The following NRXN1 variants were observed in gnomAD, a reference collection of about 807,000 sequenced individuals.
NRXN1 encodes the protein neurexin-1.
In NRXN1, 39 loss-of-function variants were observed where a neutral mutation model predicts 150.9. That is an observed-to-expected ratio of 0.26 (90% CI 0.20 to 0.34). The LOEUF (loss-of-function observed/expected upper bound fraction) is 0.34. NRXN1 is among the 10% of genes least tolerant of loss of function. NRXN1 has a pLI of 1.00. For synonymous variants in NRXN1, 924 were observed against 757.0 expected (o/e 1.22, Z -3.62); for missense variants, 1,815 against 1,949.9 (o/e 0.93, Z 1.30).
intron 5 of NRXN1, among the ~76,000 whole-genome samples, chr2:50,851,309 G>A (rs41422052): frequency 0.43 from 64,678 of 151,916 alleles, 15,578 homozygotes; most frequent in Non-Finnish European, 0.57. Context: ...AATAACCAAG[G>A]TAAACAGAGA....
intron 2 of NRXN1, among the ~76,000 whole-genome samples, chr2:50,929,696 G>A (rs192808654): frequency 6.6e-6 from 1 of 152,182 alleles, no homozygotes; most frequent in African/African-American, 2.4e-5. Context: ...TCCATACAGG[G>A]AGTGTGCTAA....
intron 5 of NRXN1, among the ~76,000 whole-genome samples, chr2:50,646,833 T>C (rs770043108): frequency 3.3e-5 from 5 of 151,302 alleles, no homozygotes; most frequent in Non-Finnish European, 5.9e-5. Context: ...CAATATTTTA[T>C]GCCCATTACT....
intron 5 of NRXN1, among the ~76,000 whole-genome samples, chr2:50,890,228 G>A (rs549338588): frequency 1.3e-5 from 2 of 151,884 alleles, no homozygotes; most frequent in Admixed American, 6.6e-5. Context: ...ATCCAGCAGT[G>A]TCATTAATTA....
intron 5 of NRXN1, among the ~76,000 whole-genome samples, chr2:50,866,227 C>T (rs912359434): frequency 3.3e-5 from 5 of 151,854 alleles, no homozygotes; most frequent in East Asian, 1.9e-4. Context: ...GAAACTGTGG[C>T]TAATGGCCAC....
intron 17 of NRXN1, among the ~76,000 whole-genome samples, chr2:50,331,931 G>A (rs1267876622): frequency 6.6e-6 from 1 of 152,104 alleles, no homozygotes; most frequent in Non-Finnish European, 1.5e-5. Flanking sequence ...AAATTCTTGA[G>A]CCCTACCCCC....
chr2:50,415,028 G>A (rs1054174634), intron 17 of NRXN1, among the ~76,000 whole-genome samples: 7 of 151,974 alleles, frequency 4.6e-5, no homozygotes, highest in African/African-American at 1.7e-4. Context: ...TCATAACTAT[G>A]ACATGGATCA....
At chr2:50,530,772 T>G (rs1002839885) in intron 11 of NRXN1, among the ~76,000 whole-genome samples, 13 of 152,162 alleles carry the variant, frequency 8.5e-5, no homozygotes, top group Admixed American at 8.5e-4. Flanking sequence ...GAGAAGCCCA[T>G]GGAGTAGAGT....
chr2:50,925,164 T>C lies in NRXN1; in HGVS notation c.790+774A>G, dbSNP rs183722090. Among the ~76,000 whole-genome samples the C allele has an allele frequency of 2.0e-3, 300 of 151,950 alleles. 4 individuals carry two copies. Among genetic ancestry groups the C allele is most frequent in the African/African-American group, 7.0e-3 (292 of 41,544 alleles). ...ATTCTTTTGTTATGCCTTGTTCTTT[T>C]TGCATGTTAACACTTTGAAGATTTG... On this transcript the variant is annotated intron_variant, in intron 3 of 22. Coordinates refer to ENST00000401669, the MANE Select transcript of NRXN1 (RefSeq NM_001330078.2).
At chr2:50,331,413 A>C (rs2076828538) in intron 17 of NRXN1, among the ~76,000 whole-genome samples, 1 of 152,138 alleles carries the variant, frequency 6.6e-6, no homozygotes, top group Non-Finnish European at 1.5e-5. Context: ...GTGAGATTTA[A>C]AAGTTGTGTG....
At chr2:50,157,386 T>C (rs1012535299) in intron 18 of NRXN1, among the ~76,000 whole-genome samples, 17 of 152,052 alleles carry the variant, frequency 1.1e-4, no homozygotes, top group African/African-American at 3.9e-4. Flanking sequence ...AGCATAGGCG[T>C]TTATAATATT....
chr2:50,431,847 T>G (rs1170585482), intron 17 of NRXN1, among the ~76,000 whole-genome samples: 1 of 152,196 alleles, frequency 6.6e-6, no homozygotes, highest in Non-Finnish European at 1.5e-5. Flanking sequence ...TTTTTTCTTT[T>G]TAAACCTTCT....
chr2:50,859,109 A>G (rs902150384), intron 5 of NRXN1, among the ~76,000 whole-genome samples: 2 of 152,100 alleles, frequency 1.3e-5, no homozygotes, highest in African/African-American at 4.8e-5. Context: ...AAGAATATTT[A>G]TAAAGTGAAG....
chr2:50,105,431 G>T (rs1218013509), intron 18 of NRXN1: 1 of 152,058 alleles, frequency 6.6e-6, no homozygotes, highest in Non-Finnish European at 1.5e-5. Flanking sequence ...AACACTCAGA[G>T]AAATAGCCAG....
chr2:49,953,783 G>A (rs550006536), intron 21 of NRXN1, among the ~76,000 whole-genome samples: 225 of 152,100 alleles, frequency 1.5e-3, no homozygotes, highest in Non-Finnish European at 2.4e-3. Context: ...CCACGATGCA[G>A]TGTTTGTATA....
chr2:50,193,077 G>A (rs1440716086), intron 18 of NRXN1, among the ~76,000 whole-genome samples: 1 of 151,872 alleles, frequency 6.6e-6, no homozygotes, highest in African/African-American at 2.4e-5. Context: ...TTTACTACAG[G>A]GTCAATATTC....
intron 21 of NRXN1, among the ~76,000 whole-genome samples, chr2:49,992,400 C>T (rs1476272736): frequency 7.5e-6 from 1 of 133,416 alleles, no homozygotes; most frequent in Non-Finnish European, 1.7e-5. Flanking sequence ...AAAAAAACAC[C>T]CCAAAAACAA....
intron 8 of NRXN1, among the ~76,000 whole-genome samples, chr2:50,597,454 A>C (rs184008545): frequency 2.0e-5 from 3 of 152,226 alleles, no homozygotes; most frequent in Non-Finnish European, 4.4e-5. Flanking sequence ...CCTGGGATAC[A>C]TTCCTTTCCT....
At chr2:50,352,461 G>A (rs2078480342) in intron 17 of NRXN1, among the ~76,000 whole-genome samples, 1 of 151,832 alleles carries the variant, frequency 6.6e-6, no homozygotes, top group Non-Finnish European at 1.5e-5. Context: ...ATCAGCAGAG[G>A]GGAAATATAT....
intron 17 of NRXN1, among the ~76,000 whole-genome samples, chr2:50,298,929 C>T (rs905613162): frequency 6.6e-6 from 1 of 152,110 alleles, no homozygotes; most frequent in Admixed American, 6.6e-5. Context: ...ATGCTCTCTG[C>T]GGATAGCCTG....
Sources: allele counts gnomAD v4.1 joint callset (sites outside exome capture counted in the v4.1 genomes callset), GRCh38; gene constraint gnomAD v4.1.1; transcripts MANE v1.5; gene names NCBI Gene and HGNC (gene_info 2026-07-23, HGNC 2026-07-21).